ITGA9: variants seen among roughly 807,000 people sequenced by gnomAD.
ITGA9 encodes integrin alpha-9.
Under a neutral mutation model 127.8 loss-of-function variants are expected in ITGA9, and 56 were observed. That is an observed-to-expected ratio of 0.44 (90% CI 0.35 to 0.55). ITGA9 has a LOEUF of 0.55. Ranked by LOEUF, ITGA9 falls within the 20% of genes least tolerant of loss-of-function variation. The pLI is 0.00. For missense variants in ITGA9, 1,196 were observed against 1,347.1 expected, an observed-to-expected ratio of 0.89 and a Z score of 1.76; for synonymous variants, 508 against 514.5, an observed-to-expected ratio of 0.99 and a Z score of 0.17.
intron 15 of ITGA9, among the ~76,000 whole-genome samples, chr3:37,582,646 A>G (rs1699720890): frequency 1.3e-5 from 2 of 152,200 alleles, no homozygotes; most frequent in South Asian, 4.1e-4. Context: ...TGGTGGGGGT[A>G]GACTAACTAT....
rs1306927256 is a variant in ITGA9, at chr3:37,512,004, TTTTCTTTTCTTTTCTTTTCTTTTCTTTC to T, written c.898-1751_898-1724del. 1.2e-3 allele frequency among the ~76,000 whole-genome samples: 50 copies of T among 41,882 alleles called. 6 individuals are homozygous for T. Among genetic ancestry groups the T allele is most frequent in the African/African-American group, 2.7e-3 (43 of 16,006 alleles). 27.5% of individuals were successfully genotyped at this position (41,882 alleles called of 152,430 possible). On this transcript the variant is annotated intron_variant, in intron 8 of 27. Coordinates refer to ENST00000264741, the MANE Select transcript of ITGA9 (RefSeq NM_002207.3). Reference sequence around the variant, plus strand: ...TTTTCTTTTCTTTTCTTTTCTTTTCTTTTCTTTTCTTTTCTTTTCTTTTCTTTCTTTCTTTCTTTCTTTCTTTCTTTCT... The same window carrying T: ...TTTTCTTTTCTTTTCTTTTCTTTTCTTTTCTTTCTTTCTTTCTTTCTTTCT...
intron 1 of ITGA9, among the ~76,000 whole-genome samples, chr3:37,463,080 G>T (rs931564069): frequency 6.6e-6 from 1 of 152,186 alleles, no homozygotes; most frequent in Non-Finnish European, 1.5e-5. Flanking sequence ...TCCTTTGAGG[G>T]AGGGAAAGGA....
At chr3:37,692,253 T>C (rs756838582) in intron 18 of ITGA9, among the ~76,000 whole-genome samples, 1 of 152,344 alleles carries the variant, frequency 6.6e-6, no homozygotes, top group South Asian at 2.1e-4. Context: ...AGAAGAGATA[T>C]ACTGATCACC....
At chr3:37,535,732 C>G (rs887832114) in intron 14 of ITGA9, among the ~76,000 whole-genome samples, 1 of 152,170 alleles carries the variant, frequency 6.6e-6, no homozygotes, top group Non-Finnish European at 1.5e-5. Flanking sequence ...CCTTTACACT[C>G]TAAGGGTGTG....
chr3:37,744,602 C>G (rs1696478361), intron 22 of ITGA9, among the ~76,000 whole-genome samples: 1 of 152,340 alleles, frequency 6.6e-6, no homozygotes, highest in South Asian at 2.1e-4. Context: ...TCCAGCAAGT[C>G]CACTTGGTGT....
At chr3:37,609,125 T>C (rs4678978) in intron 15 of ITGA9, among the ~76,000 whole-genome samples, 79,591 of 151,960 alleles carry the variant, frequency 0.52, 21,412 homozygotes, top group East Asian at 0.61. Flanking sequence ...AGACGGGCCA[T>C]GCTCTATGCT....
chr3:37,711,862 C>T (rs1393184181), intron 18 of ITGA9, among the ~76,000 whole-genome samples: 2 of 152,208 alleles, frequency 1.3e-5, no homozygotes, highest in East Asian at 3.8e-4. Context: ...TCTTGGCCCT[C>T]CAGAGTCCAG....
intron 23 of ITGA9, among the ~76,000 whole-genome samples, chr3:37,755,511 C>T (rs150083156): frequency 6.6e-6 from 1 of 152,246 alleles, no homozygotes; most frequent in African/African-American, 2.4e-5. Context: ...CTGATGTCTT[C>T]AGAGCAATGC....
rs184109971 is a variant in ITGA9, at chr3:37,638,735, G to A, written c.1839+9399G>A. On this transcript the variant is annotated intron_variant, in intron 16 of 27. Transcript: ENST00000264741. ...GTACCCAGGACTATACAGAAGGGTG[G>A]ATCAAATCATGATGACCTTTTAGAG... 1.0e-3 allele frequency among the ~76,000 whole-genome samples: 156 copies of A among 152,310 alleles called. 1 individual carries two copies. Among genetic ancestry groups the A allele is most frequent in the Admixed American group, 2.7e-3 (42 of 15,302 alleles).
intron 15 of ITGA9, among the ~76,000 whole-genome samples, chr3:37,552,916 G>A (rs1419854332): frequency 6.6e-6 from 1 of 151,626 alleles, no homozygotes; most frequent in Admixed American, 6.6e-5. Flanking sequence ...TCTGGAGGCT[G>A]AGACAGGAGA....
intron 17 of ITGA9, among the ~76,000 whole-genome samples, chr3:37,655,037 G>T (rs1700464326): frequency 6.6e-6 from 1 of 152,092 alleles, no homozygotes; most frequent in East Asian, 1.9e-4. Flanking sequence ...CTTTTTTATG[G>T]CTGCATAGTG....
intron 18 of ITGA9, among the ~76,000 whole-genome samples, chr3:37,706,670 G>C (rs1309816069): frequency 5.9e-5 from 9 of 152,172 alleles, no homozygotes; most frequent in Non-Finnish European, 1.0e-4. Flanking sequence ...CATTGAGTTT[G>C]GGTGCCCTCA....
At chr3:37,710,367 C>T (rs1011176642) in intron 18 of ITGA9, among the ~76,000 whole-genome samples, 16 of 151,404 alleles carry the variant, frequency 1.1e-4, no homozygotes, top group East Asian at 3.9e-4. Flanking sequence ...TCCCCGACAT[C>T]GAGAAACTGA....
Position 37,803,862 on chromosome 3 carries a change from T to A in ITGA9, c.2929T>A (p.Tyr977Asn). ...EALHNLEPRGYVVGWIIAISL... is the reference protein window; with the variant it reads ...EALHNLEPRGNVVGWIIAISL... ...CCTGCACAATCTGGAGCCCCGTGGC[T>A]ACGTCGTGGGGTGGATCATCGCCAT... The change falls in exon 27 of 28, where the codon TAC becomes AAC. Residue 977 changes from tyrosine to asparagine, a missense_variant. Tyr to Asn is a moderately radical substitution (Grantham distance 143, BLOSUM62 -2). Coordinates refer to ENST00000264741, the MANE Select transcript of ITGA9 (RefSeq NM_002207.3). 6.2e-7 allele frequency: 1 copy of A among 1,614,214 alleles called. No homozygotes were observed. The highest frequency in any genetic ancestry group is 8.5e-7 in the Non-Finnish European group (1 of 1,180,032).
intron 23 of ITGA9, among the ~76,000 whole-genome samples, chr3:37,752,360 T>G (rs1169794776): frequency 6.6e-6 from 1 of 152,114 alleles, no homozygotes; most frequent in African/African-American, 2.4e-5. Flanking sequence ...CACTAGGAGG[T>G]GACCCTTTGG....
chr3:37,526,720 A>G (rs1699097086), intron 13 of ITGA9, among the ~76,000 whole-genome samples: 1 of 152,264 alleles, frequency 6.6e-6, no homozygotes, highest in African/African-American at 2.4e-5. Flanking sequence ...GCAGAATTAC[A>G]CTTTGGAGTG....
chr3:37,692,443 G>C (rs557211496), intron 18 of ITGA9, among the ~76,000 whole-genome samples: 9 of 150,908 alleles, frequency 6.0e-5, no homozygotes, highest in Non-Finnish European at 1.3e-4. Context: ...GTGTGTGTGT[G>C]TCTACATACT....
At chr3:37,465,837 A>T (rs1698364068) in intron 1 of ITGA9, among the ~76,000 whole-genome samples, 2 of 152,064 alleles carry the variant, frequency 1.3e-5, no homozygotes, top group African/African-American at 4.8e-5. Flanking sequence ...TGGGGATTAC[A>T]TATGTGAGTA....
intron 17 of ITGA9, among the ~76,000 whole-genome samples, chr3:37,682,172 C>T (rs1700740342): frequency 6.6e-6 from 1 of 152,206 alleles, no homozygotes. Context: ...TCTCTGTTCT[C>T]CTTTAGAGAA....
Sources: gnomAD v4.1 joint callset for allele counts (sites outside exome capture counted in the v4.1 genomes callset) on GRCh38, gnomAD v4.1.1 for gene constraint, MANE v1.5 for transcripts, NCBI Gene and HGNC (gene_info 2026-07-23, HGNC 2026-07-21) for gene names.